The following NRXN3 variants were observed in gnomAD, a reference collection of about 807,000 sequenced individuals.
The protein encoded by NRXN3 is neurexin 3.
In NRXN3, 32 loss-of-function variants were observed where a neutral mutation model predicts 137.6. The observed-to-expected ratio is 0.23, with a 90% CI of 0.18 to 0.31. The LOEUF (loss-of-function observed/expected upper bound fraction) is 0.31, where lower values mean the gene tolerates loss of function less well. Among genes scored for constraint, NRXN3 ranks in the 10% least tolerant of loss-of-function variants. The pLI, the probability that NRXN3 is intolerant of heterozygous loss-of-function variation, is 1.00. For synonymous variants in NRXN3, 798 were observed against 784.5 expected (o/e 1.02, Z -0.29); for missense variants, 1,574 against 2,062.5 (o/e 0.76, Z 4.59).
chr14:78,726,035 C>A (rs1372379092), intron 8 of NRXN3, among the ~76,000 whole-genome samples: 1 of 152,176 alleles, frequency 6.6e-6, no homozygotes, highest in African/African-American at 2.4e-5. Context: ...TGAGTCCTCT[C>A]TTCTGTGATC....
At chr14:78,201,188 C>G (rs1196148578) in intron 1 of NRXN3, among the ~76,000 whole-genome samples, 1 of 152,214 alleles carries the variant, frequency 6.6e-6, no homozygotes, top group Non-Finnish European at 1.5e-5. Flanking sequence ...ACTCTGGACC[C>G]TGATTTCAGA....
chr14:78,321,861 C>T lies in NRXN3; in HGVS notation c.757+24001C>T, dbSNP rs17107340. ...TGAGTGTCTGTTGTGTGCTGGGCGTCGGAGATTCAGAGACCATGTTCCTTG... is the reference window on the plus strand; with the variant it reads ...TGAGTGTCTGTTGTGTGCTGGGCGTTGGAGATTCAGAGACCATGTTCCTTG... On this transcript the variant is annotated intron_variant, in intron 4 of 20. Transcript: ENST00000335750. 1.4e-3 allele frequency among the ~76,000 whole-genome samples: 216 copies of T among 152,082 alleles called. 3 individuals are homozygous for T. Among genetic ancestry groups the T allele is most frequent in the East Asian group, 9.1e-3 (47 of 5,178 alleles).
At chr14:78,895,206 C>T (rs1388940416) in intron 10 of NRXN3, among the ~76,000 whole-genome samples, 1 of 151,852 alleles carries the variant, frequency 6.6e-6, no homozygotes, top group East Asian at 1.9e-4. Context: ...AAAGCTGTTT[C>T]ATCTACAGTA....
intron 14 of NRXN3, among the ~76,000 whole-genome samples, chr14:78,981,746 T>A (rs2099490011): frequency 6.6e-6 from 1 of 152,358 alleles, no homozygotes; most frequent in South Asian, 2.1e-4. Context: ...TGTACAAGAT[T>A]ATTTTATATC....
chr14:78,930,341 T>G (rs1289161345), intron 10 of NRXN3, among the ~76,000 whole-genome samples: 1 of 152,226 alleles, frequency 6.6e-6, no homozygotes, highest in East Asian at 1.9e-4. Flanking sequence ...ACTAAGGTGA[T>G]AAGTAAATGG....
chr14:78,736,124 T>C (rs1488056852), intron 8 of NRXN3, among the ~76,000 whole-genome samples: 1 of 134,348 alleles, frequency 7.4e-6, no homozygotes, highest in African/African-American at 2.5e-5. Flanking sequence ...ACTACACACA[T>C]ACACATAGAT....
At chr14:78,744,467 G>C (rs1248778779) in intron 8 of NRXN3, 4 of 152,120 alleles carry the variant, frequency 2.6e-5, no homozygotes, top group Non-Finnish European at 4.4e-5. Context: ...TTGTGTGTTT[G>C]CCTTGGAGAA....
chr14:78,513,153 A>G (rs954050588), intron 4 of NRXN3, among the ~76,000 whole-genome samples: 3 of 152,206 alleles, frequency 2.0e-5, no homozygotes, highest in African/African-American at 7.2e-5. Flanking sequence ...CTTTGCAGTC[A>G]GACTTTCCAG....
intron 15 of NRXN3, among the ~76,000 whole-genome samples, chr14:79,026,893 C>T (rs919236188): frequency 3.4e-5 from 5 of 145,578 alleles, no homozygotes; most frequent in East Asian, 2.0e-4. Context: ...GGCACATGTG[C>T]CAGAATCATG....
intron 6 of NRXN3, among the ~76,000 whole-genome samples, chr14:78,682,848 G>T (rs1431782109): frequency 2.0e-5 from 3 of 152,174 alleles, no homozygotes; most frequent in Admixed American, 2.0e-4. Context: ...CATGGTTATA[G>T]TCAGTCATTA....
intron 10 of NRXN3, among the ~76,000 whole-genome samples, chr14:78,815,479 C>CTTTTTTTCTTT (rs2098929342): frequency 1.2e-5 from 1 of 84,434 alleles, no homozygotes; most frequent in Non-Finnish European, 2.2e-5. Context: ...TTGTTTCTTT[C>CTTTTTTTCTTT]TTTTTTTTTT....
chr14:78,755,190 A>ATTTTT (rs34214778), intron 8 of NRXN3, among the ~76,000 whole-genome samples: 1 of 131,586 alleles, frequency 7.6e-6, no homozygotes, highest in Non-Finnish European at 1.7e-5. Context: ...TAGTTTTTGT[A>ATTTTT]TTTTTTTTTT....
intron 15 of NRXN3, among the ~76,000 whole-genome samples, chr14:78,998,787 A>G (rs1170753129): frequency 2.2e-5 from 3 of 133,630 alleles, no homozygotes; most frequent in Non-Finnish European, 3.1e-5. Context: ...TTTTTTCAGT[A>G]GAGACGGGGT....
In NRXN3 at chr14:79,206,933, G is replaced by GA. The variant is rs950558820; in HGVS notation, c.3262+218800dup. On this transcript the variant is annotated intron_variant, in intron 15 of 20. Coordinates refer to ENST00000335750, the MANE Select transcript of NRXN3 (RefSeq NM_001330195.2). ...ATTCATTCACATGTTTAGTAGAAAA[G>GA]AAAAAAAACAAAAACATTGAGCCCC... 4.6e-5 allele frequency among the ~76,000 whole-genome samples: 7 copies of GA among 151,626 alleles called. No homozygotes were observed. In the South Asian group the frequency reaches 8.4e-4, roughly 18 times the overall value.
intron 15 of NRXN3, among the ~76,000 whole-genome samples, chr14:79,022,972 T>C (rs1341172039): frequency 3.3e-5 from 5 of 152,110 alleles, no homozygotes; most frequent in Non-Finnish European, 7.4e-5. Flanking sequence ...GGGGTTCCAG[T>C]TGCCAAGCAT....
intron 4 of NRXN3, among the ~76,000 whole-genome samples, chr14:78,430,259 A>T (rs1402052826): frequency 6.6e-6 from 1 of 152,182 alleles, no homozygotes; most frequent in East Asian, 1.9e-4. Context: ...AATGAAAAAG[A>T]ATAATTATTT....
chr14:78,374,769 C>CA (rs3037807), intron 4 of NRXN3, among the ~76,000 whole-genome samples: 40 of 115,506 alleles, frequency 3.5e-4, no homozygotes, highest in African/African-American at 1.3e-3. Context: ...ACTCCATCTC[C>CA]AAAAAAAAAA....
At chr14:79,072,838 T>G (rs905391298) in intron 15 of NRXN3, among the ~76,000 whole-genome samples, 1 of 151,574 alleles carries the variant, frequency 6.6e-6, no homozygotes, top group Non-Finnish European at 1.5e-5. Context: ...CCATCTCTCC[T>G]CCCTCCCTTG....
intron 19 of NRXN3, among the ~76,000 whole-genome samples, chr14:79,707,552 A>T (rs1001574092): frequency 3.9e-5 from 6 of 152,170 alleles, no homozygotes; most frequent in Non-Finnish European, 8.8e-5. Context: ...GTAGGTTAAG[A>T]TAATATAAGT....
Sources: allele counts gnomAD v4.1 joint callset (sites outside exome capture counted in the v4.1 genomes callset), GRCh38; gene constraint gnomAD v4.1.1; transcripts MANE v1.5; gene names NCBI Gene and HGNC (gene_info 2026-07-23, HGNC 2026-07-21).